The following TBC1D19 variants were observed in gnomAD, a reference collection of about 807,000 sequenced individuals.
TBC1D19 encodes TBC1 domain family, member 19.
In TBC1D19, 60 loss-of-function variants were observed where a neutral mutation model predicts 89.0. That is an observed-to-expected ratio of 0.67 (90% CI 0.55 to 0.84). The LOEUF (loss-of-function observed/expected upper bound fraction) is 0.84, where lower values mean the gene tolerates loss of function less well. TBC1D19 is among the 40% of genes least tolerant of loss of function. The probability of loss-of-function intolerance (pLI) is 0.00; values close to 1 mark genes in which losing one functional copy is unlikely to be tolerated. For missense variants in TBC1D19, 500 were observed against 610.8 expected, an observed-to-expected ratio of 0.82 and a Z score of 1.91; for synonymous variants, 189 against 199.7, an observed-to-expected ratio of 0.95 and a Z score of 0.45.
chr4:26,736,382 T>C (rs919658779), intron 16 of TBC1D19, among the ~76,000 whole-genome samples: 2 of 127,478 alleles, frequency 1.6e-5, no homozygotes, highest in Non-Finnish European at 3.2e-5. Context: ...CATCACACTC[T>C]GGGGACTGTT....
At chr4:26,778,397 C>T in the TBC1D19 span, among the ~76,000 whole-genome samples, 1 of 138,446 alleles carries the variant, frequency 7.2e-6, no homozygotes, top group Non-Finnish European at 1.5e-5. Context: ...GCCTGGACAA[C>T]AGAGTGAGAC....
At chr4:26,627,468 G>A (rs1210489012) in intron 4 of TBC1D19, among the ~76,000 whole-genome samples, 1 of 152,122 alleles carries the variant, frequency 6.6e-6, no homozygotes. Context: ...TCGCCACACT[G>A]ACTTCCACAA....
chr4:26,648,971 A>T (rs937435097), intron 7 of TBC1D19, among the ~76,000 whole-genome samples: 3 of 151,922 alleles, frequency 2.0e-5, no homozygotes, highest in African/African-American at 7.2e-5. Flanking sequence ...TATTTCCTTA[A>T]TTACAGTTTC....
intron 15 of TBC1D19, among the ~76,000 whole-genome samples, chr4:26,728,298 A>C (rs1717433148): frequency 6.6e-6 from 1 of 152,202 alleles, no homozygotes; most frequent in African/African-American, 2.4e-5. Flanking sequence ...ATCTGCTTTG[A>C]GATTTAGTAT....
the TBC1D19 span, among the ~76,000 whole-genome samples, chr4:26,774,234 C>G: frequency 2.0e-5 from 3 of 152,230 alleles, no homozygotes; most frequent in African/African-American, 7.2e-5. Flanking sequence ...CTTATACCAT[C>G]ATAGTACAGC....
chr4:26,713,331 T>G (rs1178838225), intron 13 of TBC1D19, among the ~76,000 whole-genome samples: 1 of 152,046 alleles, frequency 6.6e-6, no homozygotes, highest in Non-Finnish European at 1.5e-5. Flanking sequence ...TAATATTCAT[T>G]TTTATACTTT....
intron 2 of TBC1D19, 67 bp downstream of exon 2, chr4:26,613,308 A>G: frequency 9.7e-7 from 1 of 1,033,800 alleles, no homozygotes; most frequent in Non-Finnish European, 1.4e-6. Context: ...CTAATTCTTT[A>G]AGCCCTCAAG....
intron 17 of TBC1D19, among the ~76,000 whole-genome samples, chr4:26,741,501 G>A (rs1718374946): frequency 6.6e-6 from 1 of 151,984 alleles, no homozygotes; most frequent in South Asian, 2.1e-4. Context: ...CACACCCATG[G>A]TGTTCTCCCT....
the TBC1D19 span, among the ~76,000 whole-genome samples, chr4:26,850,219 T>G: frequency 1.1e-4 from 16 of 152,146 alleles, no homozygotes; most frequent in African/African-American, 3.9e-4. Context: ...GGGTGGGTCC[T>G]AATTCAGTAT....
intron 13 of TBC1D19, among the ~76,000 whole-genome samples, chr4:26,713,605 T>C (rs574919044): frequency 8.5e-5 from 13 of 152,184 alleles, no homozygotes; most frequent in African/African-American, 3.1e-4. Flanking sequence ...TGAAAGCCAG[T>C]AGAACTAATA....
chr4:26,831,346 A>G, the TBC1D19 span, among the ~76,000 whole-genome samples: 3 of 152,190 alleles, frequency 2.0e-5, no homozygotes, highest in East Asian at 5.8e-4. Context: ...CAGAAGAGTT[A>G]GATAGTAAAT....
intron 1 of TBC1D19, among the ~76,000 whole-genome samples, chr4:26,612,781 G>A (rs1741459630): frequency 6.6e-6 from 1 of 151,968 alleles, no homozygotes; most frequent in Admixed American, 6.6e-5. Flanking sequence ...CATTTGCATG[G>A]ATGCAACTGG....
chr4:26,629,154 T>C (rs1742631371), intron 4 of TBC1D19, among the ~76,000 whole-genome samples: 1 of 152,028 alleles, frequency 6.6e-6, no homozygotes, highest in Admixed American at 6.6e-5. Flanking sequence ...CTGCGTCTAT[T>C]TGAAACTGCC....
chr4:26,842,583 C>CCTTTCTTCTTT, the TBC1D19 span, among the ~76,000 whole-genome samples: 1 of 70,538 alleles, frequency 1.4e-5, no homozygotes, highest in African/African-American at 5.3e-5. Flanking sequence ...TTCCTCCCTC[C>CCTTTCTTCTTT]CTTTCTTTCT....
the TBC1D19 span, among the ~76,000 whole-genome samples, chr4:26,826,959 C>T: frequency 6.6e-6 from 1 of 152,210 alleles, no homozygotes; most frequent in African/African-American, 2.4e-5. Flanking sequence ...CGAGGCAAGT[C>T]TCTCCCCTAA....
intron 13 of TBC1D19, among the ~76,000 whole-genome samples, chr4:26,711,560 T>A (rs895030487): frequency 6.6e-6 from 1 of 152,070 alleles, no homozygotes; most frequent in Non-Finnish European, 1.5e-5. Context: ...CTAAATCTTT[T>A]GTGGCTATAT....
the TBC1D19 span, among the ~76,000 whole-genome samples, chr4:26,773,958 C>T: frequency 2.4e-4 from 37 of 152,268 alleles, no homozygotes; most frequent in African/African-American, 8.7e-4. Flanking sequence ...AGAGGCCTTC[C>T]TCAGGTGCCT....
intron 1 of TBC1D19, among the ~76,000 whole-genome samples, chr4:26,607,620 G>A (rs571645162): frequency 7.3e-4 from 111 of 152,144 alleles, no homozygotes; most frequent in African/African-American, 2.6e-3. Context: ...TATACCTAAG[G>A]ATTCTGATAA....
the TBC1D19 span, among the ~76,000 whole-genome samples, chr4:26,809,680 C>A: frequency 6.6e-6 from 1 of 152,108 alleles, no homozygotes; most frequent in Non-Finnish European, 1.5e-5. Context: ...GACCGCTGGG[C>A]AATGGTGGGG....
Sources: gnomAD v4.1 joint callset for allele counts (sites outside exome capture counted in the v4.1 genomes callset) on GRCh38, gnomAD v4.1.1 for gene constraint, MANE v1.5 for transcripts, NCBI Gene and HGNC (gene_info 2026-07-23, HGNC 2026-07-21) for gene names.